The following MALRD1 variants were observed in gnomAD, a reference collection of about 807,000 sequenced individuals.
MALRD1 encodes the protein MAM and LDL-receptor class A domain-containing protein 1.
A neutral mutation model predicts 242.1 loss-of-function variants in MALRD1; 247 were observed. That is an observed-to-expected ratio of 1.02 (90% CI 0.92 to 1.13). MALRD1 has a LOEUF of 1.13. Ranked by LOEUF, MALRD1 falls within the 50% of genes most tolerant of loss-of-function variation. The pLI, the probability that MALRD1 is intolerant of heterozygous loss-of-function variation, is 0.00. For missense variants in MALRD1, 2,989 were observed against 2,533.1 expected (o/e 1.18, Z -3.86); for synonymous variants, 995 against 866.6 (o/e 1.15, Z -2.60).
At chr10:19,234,205 T>C (rs1323337436) in intron 18 of MALRD1, among the ~76,000 whole-genome samples, 1 of 151,964 alleles carries the variant, frequency 6.6e-6, no homozygotes, top group African/African-American at 2.4e-5. Flanking sequence ...ATAAATTGTT[T>C]CTAATTCTAA....
At chr10:19,297,978 A>G (rs1330465463) in intron 21 of MALRD1, among the ~76,000 whole-genome samples, 1 of 152,044 alleles carries the variant, frequency 6.6e-6, no homozygotes, top group Middle Eastern at 3.2e-3. Context: ...GTCTAAGAGC[A>G]ACGGCTTGGG....
intron 18 of MALRD1, among the ~76,000 whole-genome samples, chr10:19,237,267 A>G (rs1483370511): frequency 6.6e-6 from 1 of 151,364 alleles, no homozygotes; most frequent in Non-Finnish European, 1.5e-5. Context: ...ATAACTGTTA[A>G]CCAGTCTCCC....
At chr10:19,214,997 C>T (rs923343914) in intron 18 of MALRD1, among the ~76,000 whole-genome samples, 4 of 152,180 alleles carry the variant, frequency 2.6e-5, no homozygotes, top group Admixed American at 6.5e-5. Context: ...TCCACAAAGT[C>T]AACAAGCAAA....
At chr10:19,686,292 C>T (rs1346145767) in intron 36 of MALRD1, among the ~76,000 whole-genome samples, 2 of 152,122 alleles carry the variant, frequency 1.3e-5, no homozygotes, top group Non-Finnish European at 2.9e-5. Flanking sequence ...TCTTGCATCC[C>T]TTCTCCCCTG....
At chr10:19,703,967 A>C (rs902072781) in intron 38 of MALRD1, among the ~76,000 whole-genome samples, 5 of 152,184 alleles carry the variant, frequency 3.3e-5, no homozygotes, top group African/African-American at 1.2e-4. Flanking sequence ...GTTTATTCTT[A>C]CCTTACCAGC....
intron 29 of MALRD1, among the ~76,000 whole-genome samples, chr10:19,485,496 A>G (rs1264636519): frequency 6.6e-6 from 1 of 152,030 alleles, no homozygotes; most frequent in Non-Finnish European, 1.5e-5. Flanking sequence ...ACAAAAAATT[A>G]GCCGGGCGTG....
At chr10:19,457,127 T>C (rs1835702207) in intron 29 of MALRD1, among the ~76,000 whole-genome samples, 1 of 152,190 alleles carries the variant, frequency 6.6e-6, no homozygotes, top group African/African-American at 2.4e-5. Context: ...TCTGAAAAAT[T>C]GAAATAGCTA....
At chr10:19,494,991 T>G (rs1837647780) in intron 30 of MALRD1, among the ~76,000 whole-genome samples, 1 of 152,036 alleles carries the variant, frequency 6.6e-6, no homozygotes, top group Admixed American at 6.6e-5. Context: ...TTTTTTTTTT[T>G]TGTAAGACAG....
chr10:19,524,653 C>T (rs952029020), intron 31 of MALRD1, among the ~76,000 whole-genome samples: 10 of 151,942 alleles, frequency 6.6e-5, no homozygotes, highest in South Asian at 2.1e-4. Context: ...GGAGCTTTTG[C>T]TATTTTGAAA....
chr10:19,692,867 T>TTATATATATATATATATA (rs1254775928), intron 38 of MALRD1, among the ~76,000 whole-genome samples: 466 of 29,560 alleles, frequency 0.016, 9 homozygotes, highest in East Asian at 0.11. Flanking sequence ...ATAGATGAAA[T>TTATATATATATATATATA]TATATATATA....
intron 29 of MALRD1, among the ~76,000 whole-genome samples, chr10:19,462,329 G>A (rs1835988650): frequency 2.0e-5 from 3 of 152,300 alleles, no homozygotes; most frequent in Admixed American, 6.5e-5. Flanking sequence ...ACTAGGAAGA[G>A]CCACCATGCC....
intron 31 of MALRD1, among the ~76,000 whole-genome samples, chr10:19,504,870 G>C (rs1235164668): frequency 2.0e-5 from 3 of 150,734 alleles, no homozygotes; most frequent in African/African-American, 4.9e-5. Flanking sequence ...TTTTAGTAGA[G>C]ACGGGGTTTC....
Position 19,238,666 on chromosome 10 carries a change from A to T in MALRD1, c.2992-19018A>T, listed in dbSNP as rs926801451. The stretch of plus-strand genomic sequence containing the variant: ...TATTAGAAATAGTGCTACAGTAAAC[A>T]TAAGAGTGCAGATATTTTTCAAACA... On this transcript the variant is annotated intron_variant, in intron 18 of 39. Transcript: ENST00000454679. Among the ~76,000 whole-genome samples the T allele has an allele frequency of 5.5e-5, 8 of 145,348 alleles. No individual in the cohort carries two copies. The South Asian group carries it at 6.5e-4, about 12-fold the overall frequency.
intron 32 of MALRD1, among the ~76,000 whole-genome samples, chr10:19,539,970 T>C (rs1487175734): frequency 1.3e-5 from 2 of 150,594 alleles, no homozygotes; most frequent in Non-Finnish European, 1.5e-5. Context: ...CTTGAACTCC[T>C]GAGCTCAAGT....
At chr10:19,406,760 T>A (rs1847133783) in intron 28 of MALRD1, among the ~76,000 whole-genome samples, 1 of 152,186 alleles carries the variant, frequency 6.6e-6, no homozygotes, top group African/African-American at 2.4e-5. Flanking sequence ...ACATGGTGAA[T>A]GTTCAAATAA....
At chr10:19,523,841 G>A (rs927989649) in intron 31 of MALRD1, among the ~76,000 whole-genome samples, 30 of 151,512 alleles carry the variant, frequency 2.0e-4, no homozygotes, top group African/African-American at 7.0e-4. Flanking sequence ...GCGCATGGGG[G>A]GAGTTTATAA....
intron 33 of MALRD1, among the ~76,000 whole-genome samples, chr10:19,579,617 A>G (rs7075351): frequency 0.51 from 77,192 of 151,906 alleles, 19,702 homozygotes; most frequent in Non-Finnish European, 0.53. Context: ...TATAATGCAT[A>G]TCCTATCATC....
chr10:19,280,201 C>A lies in MALRD1; in HGVS notation c.3234C>A (p.Asp1078Glu), dbSNP rs1181890722. Residue 1078 changes from aspartate to glutamate, a missense_variant, in exon 20 of 40, where the codon GAC (aspartate) becomes GAA (glutamate). Transcript: ENST00000454679. Reference sequence around the variant, plus strand: ...GTGATTTTAAATATGACTGCCCTGACAAATCAGATGAAGCATCCTGTGGTA... The same window carrying A: ...GTGATTTTAAATATGACTGCCCTGAAAAATCAGATGAAGCATCCTGTGGTA... ...QKCDFKYDCPDKSDEASCVME... is the reference protein window; with the variant it reads ...QKCDFKYDCPEKSDEASCVME... 6 of 1,515,842 alleles carry A rather than the reference C, an allele frequency of 4.0e-6. No individual in the cohort carries two copies. 93.9% of individuals were successfully genotyped at this position (1,515,842 alleles called of 1,614,324 possible). A position where few individuals can be genotyped will look rare whatever the true frequency, so the allele number is the denominator to read the frequency against.
chr10:19,567,531 C>T lies in MALRD1; in HGVS notation c.5508C>T (p.Asn1836=), dbSNP rs1430898035. ...KVYTIEESGL[N]ILVWSVIGNK... ...ATACCATTGAAGAATCGGGGCTAAA[C>T]ATCCTGGTGTGGTCAGTGATTGGAA... is the stretch of plus-strand genomic sequence containing the variant. Residue 1836 remains asparagine (N), a synonymous_variant, in exon 33 of 40, where the codon AAC becomes AAT. Coordinates refer to ENST00000454679, the MANE Select transcript of MALRD1 (RefSeq NM_001142308.3). The T allele has an allele frequency of 1.5e-5, 24 of 1,550,264 alleles. No homozygotes were observed. The highest frequency in any genetic ancestry group is 8.3e-5 in the South Asian group (7 of 84,056).
Sources: allele counts gnomAD v4.1 joint callset (sites outside exome capture counted in the v4.1 genomes callset), GRCh38; gene constraint gnomAD v4.1.1; transcripts MANE v1.5; gene names NCBI Gene and HGNC (gene_info 2026-07-23, HGNC 2026-07-21).